TRPV1: variants seen among roughly 807,000 people sequenced by gnomAD.
The protein encoded by TRPV1 is OTRPC1.
In TRPV1, 82 loss-of-function variants were observed where a neutral mutation model predicts 82.3. The observed-to-expected ratio is 1.00, with a 90% confidence interval of 0.83 to 1.20. TRPV1 has a LOEUF of 1.20. TRPV1 is among the 50% of genes most tolerant of loss of function. The pLI, the probability that TRPV1 is intolerant of heterozygous loss-of-function variation, is 0.00. For synonymous variants in TRPV1, 515 were observed against 467.7 expected, an observed-to-expected ratio of 1.10 and a Z score of -1.30; for missense variants, 1,067 against 1,096.8, an observed-to-expected ratio of 0.97 and a Z score of 0.38.
In TRPV1 at chr17:3,591,328, C is replaced by G; in HGVS notation, c.310G>C (p.Ala104Pro). The G allele has an allele frequency of 6.3e-7, 1 of 1,593,498 alleles. No homozygotes were observed. Among genetic ancestry groups the G allele is most frequent in the Non-Finnish European group, 8.5e-7 (1 of 1,171,480 alleles). Residue 104 changes from alanine to proline, a missense_variant, in exon 4 of 17, where the codon GCC becomes CCC. Transcript: ENST00000572705. ...ARLLSQDSVA[A>P]STEKTLRLYD... ...AGCCTGAGGGTCTTCTCGGTGCTGGCGGCGACAGAGTCCTGGGACAGCAGC... is the reference window on the plus strand; with the variant it reads ...AGCCTGAGGGTCTTCTCGGTGCTGGGGGCGACAGAGTCCTGGGACAGCAGC...
At chr17:3,603,682 G>A (rs80256084) in intron 2 of TRPV1, among the ~76,000 whole-genome samples, 1 of 152,300 alleles carries the variant, frequency 6.6e-6, no homozygotes, top group Non-Finnish European at 1.5e-5. Flanking sequence ...TCTGCTGACT[G>A]CTGAGCTGTA....
rs1387075530 is a variant in TRPV1, at chr17:3,577,058, G to C, written c.1780+68C>G. The C allele has an allele frequency of 8.0e-6, 12 of 1,503,964 alleles. No homozygotes were observed. The African/African-American group carries it at 1.7e-4, about 21-fold the overall frequency. 93.2% of individuals were successfully genotyped at this position (1,503,964 alleles called of 1,614,324 possible). On this transcript the variant is annotated intron_variant, in intron 13 of 16. Transcript: ENST00000572705. ...CCAGTGCCTTCTCATTCAGCTCCTG[G>C]CAGAGTCTTCAGAAGGCTCAGCCAA... is the stretch of plus-strand genomic sequence containing the variant.
intron 9 of TRPV1, among the ~76,000 whole-genome samples, chr17:3,583,806 G>A (rs2075050510): frequency 6.6e-6 from 1 of 152,196 alleles, no homozygotes; most frequent in Admixed American, 6.5e-5. Flanking sequence ...CCCATGGCCA[G>A]TCTCCCACGA....
At chr17:3,598,085 A>G (rs77199463) in intron 2 of TRPV1, among the ~76,000 whole-genome samples, 4,473 of 152,294 alleles carry the variant, frequency 0.029, 208 homozygotes, top group African/African-American at 0.093. Context: ...CTAGAACAAT[A>G]GGTTTCATTC....
chr17:3,582,189 C>CAAAAAAAAAAAAAAAAAAAAA (rs71153376), intron 10 of TRPV1, among the ~76,000 whole-genome samples: 7 of 25,914 alleles, frequency 2.7e-4, no homozygotes, highest in Non-Finnish European at 4.4e-4. Context: ...GACTCCATCT[C>CAAAAAAAAAAAAAAAAAAAAA]AAAAAAAAAA....
chr17:3,566,516 G>T lies in TRPV1; in HGVS notation c.*299C>A. ...TCTCAAAAAAAAGAATAAAATCAAAGAAAACAAGGGCCTAACATGTCCCAG... is the reference window on the plus strand; with the variant it reads ...TCTCAAAAAAAAGAATAAAATCAAATAAAACAAGGGCCTAACATGTCCCAG... On this transcript the variant is annotated 3_prime_UTR_variant, in exon 17 of 17. Transcript: ENST00000572705. The T allele has an allele frequency of 4.3e-6, 1 of 234,580 alleles. No individual in the cohort carries two copies. Among genetic ancestry groups the T allele is most frequent in the Non-Finnish European group, 8.2e-6 (1 of 122,408 alleles). The allele number at this position is 234,580 out of a possible 1,614,324, so 14.5% of individuals were successfully genotyped here. A position where few individuals can be genotyped will look rare whatever the true frequency, so the allele number is the denominator to read the frequency against.
chr17:3,588,464 G>A, intron 7 of TRPV1, 97 bp from the exon 8 acceptor site: 1 of 1,398,080 alleles, frequency 7.2e-7, no homozygotes, highest in Admixed American at 2.2e-5. Context: ...CCAGCTGGTG[G>A]CCCCACCTAA....
intron 11 of TRPV1, among the ~76,000 whole-genome samples, chr17:3,579,301 C>G (rs896938606): frequency 4.6e-5 from 7 of 151,974 alleles, no homozygotes; most frequent in Admixed American, 3.3e-4. Context: ...TACGGACAAG[C>G]TAGCTGCAAG....
intron 8 of TRPV1, among the ~76,000 whole-genome samples, chr17:3,587,711 C>G (rs161392): frequency 0.99 from 150,532 of 152,154 alleles, 74,485 homozygotes; most frequent in Middle Eastern, 1. Context: ...CCAGCTACTT[C>G]GGATTCGAGG....
chr17:3,590,898 C>T, intron 5 of TRPV1, 66 bp downstream of exon 5: 1 of 1,479,342 alleles, frequency 6.8e-7, no homozygotes, highest in East Asian at 2.5e-5. Context: ...GGCCCAGGGA[C>T]AACCATGCCC....
intron 10 of TRPV1, among the ~76,000 whole-genome samples, chr17:3,582,555 G>A (rs943812760): frequency 1.3e-5 from 2 of 151,454 alleles, no homozygotes; most frequent in Non-Finnish European, 2.9e-5. Context: ...CAAGAAAGGT[G>A]ATGTAAAATC....
chr17:3,582,235 G>C (rs1438774710), intron 10 of TRPV1, among the ~76,000 whole-genome samples: 1 of 143,880 alleles, frequency 7.0e-6, no homozygotes, highest in African/African-American at 2.6e-5. Context: ...GCCTGGGCAT[G>C]GTGATGGCTT....
intron 15 of TRPV1, 49 bp downstream of exon 15, chr17:3,572,073 T>G (rs224548): frequency 0.98 from 1,560,149 of 1,597,348 alleles, 768,450 homozygotes; most frequent in East Asian, 1. Flanking sequence ...TGTCCACAGG[T>G]GAGCCCCAAA....
intron 11 of TRPV1, among the ~76,000 whole-genome samples, chr17:3,580,108 C>T (rs61387317): frequency 6.6e-6 from 1 of 151,398 alleles, no homozygotes; most frequent in African/African-American, 2.4e-5. Context: ...CACAACCCCC[C>T]GTTAAAGATA....
At chr17:3,591,437 T>C in intron 3 of TRPV1, 84 bp from the exon 4 acceptor site, 2 of 1,471,442 alleles carry the variant, frequency 1.4e-6, no homozygotes, top group Non-Finnish European at 1.8e-6. Context: ...GGAACACGAC[T>C]AAATCCCAAG....
At position 3,577,208 on chromosome 17, in the gene TRPV1, G is replaced by A. The variant is rs913492076; in HGVS notation, c.1714-16C>T. Reference sequence around the variant, plus strand: ...TCAGGATCATCTGCAGGAGACAGCAGGCTCATCAGAGCCGAGGCCAGGCCC... The same window carrying A: ...TCAGGATCATCTGCAGGAGACAGCAAGCTCATCAGAGCCGAGGCCAGGCCC... On this transcript the variant is annotated splice_polypyrimidine_tract_variant and intron_variant, in intron 12 of 16. Transcript: ENST00000572705. 24 of 1,572,512 alleles carry A rather than the reference G, an allele frequency of 1.5e-5. No homozygotes were observed. Among genetic ancestry groups the A allele is most frequent in the Non-Finnish European group, 1.8e-5 (21 of 1,159,448 alleles).
rs201029833 is a variant in TRPV1 at position 3,580,513 on chromosome 17, C to T, written c.1491G>A (p.Leu497=). 4.3e-6 allele frequency: 7 copies of T among 1,613,920 alleles called. No individual in the cohort carries two copies. The Admixed American group carries it at 5.0e-5, about 12-fold the overall frequency. The change falls in exon 11 of 17, where the codon CTG becomes CTA. Residue 497 remains leucine (L), a synonymous_variant. Transcript: ENST00000572705. ...GGGTCTTCATCGACGGCCGCCTCTG[C>T]AGGAAATACTGAATCTGCAGGTAAA... The part of the protein sequence containing the change: ...YFFFRGIQYF[L]QRRPSMKTLF...
At chr17:3,570,650 T>C (rs192593236) in intron 16 of TRPV1, among the ~76,000 whole-genome samples, 258 of 152,348 alleles carry the variant, frequency 1.7e-3, no homozygotes, top group Non-Finnish European at 5.1e-4. Context: ...ATGTTTTCTA[T>C]TAAATGTTTA....
At chr17:3,603,160 C>T (rs1364197701) in intron 2 of TRPV1, among the ~76,000 whole-genome samples, 1 of 151,770 alleles carries the variant, frequency 6.6e-6, no homozygotes, top group Non-Finnish European at 1.5e-5. Context: ...AAGAAAAATA[C>T]CCTCCTTCCT....
Sources: allele counts gnomAD v4.1 joint callset (sites outside exome capture counted in the v4.1 genomes callset), GRCh38; gene constraint gnomAD v4.1.1; transcripts MANE v1.5; gene names NCBI Gene and HGNC (gene_info 2026-07-23, HGNC 2026-07-21).